The following CNTN4 variants were observed in gnomAD, a reference collection of about 807,000 sequenced individuals.
CNTN4 encodes contactin 4.
Under a neutral mutation model 122.5 loss-of-function variants are expected in CNTN4, and 77 were observed. That is an observed-to-expected ratio of 0.63 (90% CI 0.52 to 0.76). The LOEUF is 0.76. Ranked by LOEUF, CNTN4 falls within the 30% of genes least tolerant of loss-of-function variation. The pLI, the probability that CNTN4 is intolerant of heterozygous loss-of-function variation, is 0.00. For missense variants in CNTN4, 1,256 were observed against 1,259.1 expected (o/e 1.00, Z 0.04); for synonymous variants, 512 against 447.0 (o/e 1.15, Z -1.83).
intron 3 of CNTN4, among the ~76,000 whole-genome samples, chr3:2,540,507 C>A (rs1279767709): frequency 1.3e-5 from 2 of 151,986 alleles, no homozygotes; most frequent in African/African-American, 2.4e-5. Context: ...TGCTTCTACT[C>A]CAGTACTGGA....
chr3:2,658,841 T>C (rs951277511), intron 4 of CNTN4, among the ~76,000 whole-genome samples: 3 of 152,012 alleles, frequency 2.0e-5, no homozygotes, highest in African/African-American at 4.8e-5. Flanking sequence ...CTATCTCCAA[T>C]AGAGCATGTT....
intron 2 of CNTN4, among the ~76,000 whole-genome samples, chr3:2,237,144 A>G (rs940550835): frequency 1.3e-5 from 2 of 152,004 alleles, no homozygotes; most frequent in African/African-American, 4.8e-5. Flanking sequence ...GGTAAGAGGG[A>G]CGATCATACT....
At chr3:2,372,509 A>T (rs2045669728) in intron 3 of CNTN4, among the ~76,000 whole-genome samples, 1 of 152,214 alleles carries the variant, frequency 6.6e-6, no homozygotes, top group Non-Finnish European at 1.5e-5. Context: ...TAAATCAGGG[A>T]CATAGTTGAA....
chr3:2,846,661 C>T (rs1368723878), intron 7 of CNTN4, among the ~76,000 whole-genome samples: 2 of 152,132 alleles, frequency 1.3e-5, no homozygotes, highest in African/African-American at 4.8e-5. Context: ...ATTTGGACTC[C>T]TCTGTTCATA....
intron 24 of CNTN4, 24 bp from the exon 25 acceptor site, chr3:3,056,096 A>G: frequency 6.3e-7 from 1 of 1,597,668 alleles, no homozygotes; most frequent in Non-Finnish European, 8.6e-7. Context: ...GGCTGTTTTG[A>G]GTGAATTTGT....
chr3:2,400,155 C>A (rs1053147317), intron 3 of CNTN4, among the ~76,000 whole-genome samples: 70 of 151,800 alleles, frequency 4.6e-4, no homozygotes, highest in African/African-American at 1.6e-3. Flanking sequence ...ACTTTCTCAT[C>A]TTCAAGAGCT....
chr3:2,817,973 A>G (rs1055043561), intron 6 of CNTN4, among the ~76,000 whole-genome samples: 3 of 152,234 alleles, frequency 2.0e-5, no homozygotes, highest in Non-Finnish European at 4.4e-5. Context: ...AGTTTATTAC[A>G]TCAGAAATGT....
chr3:2,783,201 A>C (rs909817951), intron 6 of CNTN4, among the ~76,000 whole-genome samples: 2 of 151,728 alleles, frequency 1.3e-5, no homozygotes, highest in African/African-American at 4.8e-5. Context: ...AGGTGGGAGG[A>C]TCACTTGAGC....
intron 10 of CNTN4, among the ~76,000 whole-genome samples, chr3:2,897,128 A>G (rs73005472): frequency 0.097 from 14,702 of 152,190 alleles, 764 homozygotes; most frequent in South Asian, 0.12. Context: ...ATTGGATAAG[A>G]TGCTTGTACA....
intron 2 of CNTN4, among the ~76,000 whole-genome samples, chr3:2,154,241 C>T (rs969030316): frequency 2.6e-5 from 4 of 151,836 alleles, no homozygotes; most frequent in African/African-American, 9.7e-5. Context: ...AAACATTAAC[C>T]GGATGTGGTG....
At chr3:2,979,413 A>G (rs1393851294) in intron 13 of CNTN4, among the ~76,000 whole-genome samples, 4 of 152,192 alleles carry the variant, frequency 2.6e-5, no homozygotes, top group Admixed American at 6.5e-5. Context: ...TCTTAGAAAA[A>G]TGGGGCTACT....
chr3:2,703,081 G>T (rs1218240109), intron 4 of CNTN4, among the ~76,000 whole-genome samples: 1 of 152,112 alleles, frequency 6.6e-6, no homozygotes, highest in African/African-American at 2.4e-5. Context: ...CACAGCACTA[G>T]GCAATAGTTA....
chr3:2,334,882 G>A (rs981043754), intron 2 of CNTN4, among the ~76,000 whole-genome samples: 1 of 152,142 alleles, frequency 6.6e-6, no homozygotes, highest in African/African-American at 2.4e-5. Context: ...CTTGGGAAGG[G>A]TTGTTTTTGT....
At chr3:2,974,754 G>T (rs971014537) in intron 13 of CNTN4, among the ~76,000 whole-genome samples, 1 of 152,146 alleles carries the variant, frequency 6.6e-6, no homozygotes, top group East Asian at 1.9e-4. Context: ...TGACAGTGGT[G>T]TTCTATCATG....
intron 3 of CNTN4, among the ~76,000 whole-genome samples, chr3:2,440,859 TATCTAACATATATGTATA>T (rs905072637): frequency 8.0e-5 from 11 of 137,222 alleles, no homozygotes; most frequent in Non-Finnish European, 1.3e-4. Flanking sequence ...TATATACATA[TATCTAACATATATGTATA>T]TATGTATATA....
intron 6 of CNTN4, among the ~76,000 whole-genome samples, chr3:2,805,578 A>T (rs551759589): frequency 6.6e-6 from 1 of 152,288 alleles, no homozygotes; most frequent in South Asian, 2.1e-4. Flanking sequence ...CTTGATGCCA[A>T]AGCTCTCATG....
chr3:2,458,290 A>G (rs529641108), intron 3 of CNTN4, among the ~76,000 whole-genome samples: 1 of 152,292 alleles, frequency 6.6e-6, no homozygotes, highest in African/African-American at 2.4e-5. Flanking sequence ...AGAAGTTAAT[A>G]TTAACCTATA....
chr3:3,051,461 A>G (rs1186728935), intron 23 of CNTN4, among the ~76,000 whole-genome samples: 1 of 152,232 alleles, frequency 6.6e-6, no homozygotes, highest in East Asian at 1.9e-4. Context: ...ATTTGAAACA[A>G]GTTGAATCCT....
At chr3:3,012,064 C>A (rs1323071349) in intron 14 of CNTN4, among the ~76,000 whole-genome samples, 2 of 152,126 alleles carry the variant, frequency 1.3e-5, no homozygotes, top group Non-Finnish European at 2.9e-5. Flanking sequence ...TAGTAAGGGG[C>A]AGAGCTAAAA....
Sources: allele counts gnomAD v4.1 joint callset (sites outside exome capture counted in the v4.1 genomes callset), GRCh38; gene constraint gnomAD v4.1.1; transcripts MANE v1.5; gene names NCBI Gene and HGNC (gene_info 2026-07-23, HGNC 2026-07-21).